EPB41L3: variants seen among roughly 807,000 people sequenced by gnomAD.
EPB41L3 encodes the protein band 4.1-like protein 3.
Under a neutral mutation model 127.1 loss-of-function variants are expected in EPB41L3, and 57 were observed. The ratio of observed to expected loss-of-function variants is 0.45; its 90% confidence interval spans 0.36 to 0.56. EPB41L3 has a LOEUF of 0.56. EPB41L3 is among the 20% of genes least tolerant of loss of function. The probability of loss-of-function intolerance (pLI) is 0.00; values close to 1 mark genes in which losing one functional copy is unlikely to be tolerated. For synonymous variants in EPB41L3, 572 were observed against 549.5 expected (o/e 1.04, Z -0.57); for missense variants, 1,273 against 1,372.2 (o/e 0.93, Z 1.14).
intron 16 of EPB41L3, chr18:5,398,666 G>A (rs2073996964): frequency 2.5e-6 from 1 of 399,962 alleles, no homozygotes; most frequent in Non-Finnish European, 4.4e-6. Context: ...CTCGGGAGGC[G>A]GATGACTCAG....
chr18:5,583,176 T>C (rs2143279202), intron 3 of EPB41L3, among the ~76,000 whole-genome samples: 1 of 152,340 alleles, frequency 6.6e-6, no homozygotes, highest in African/African-American at 2.4e-5. Flanking sequence ...CAGACAACTG[T>C]CATAGAACAC....
intron 1 of EPB41L3, among the ~76,000 whole-genome samples, chr18:5,533,611 A>G (rs377457777): frequency 1.3e-3 from 192 of 152,244 alleles, no homozygotes; most frequent in African/African-American, 4.4e-3. Flanking sequence ...GCAGGATCAC[A>G]TTTACTCATA....
chr18:5,548,619 T>G (rs2093919514), upstream of EPB41L3, among the ~76,000 whole-genome samples: 1 of 152,224 alleles, frequency 6.6e-6, no homozygotes, highest in African/African-American at 2.4e-5. Context: ...TTATTGATTT[T>G]TTTACTTTCT....
At chr18:5,591,619 G>A (rs1599159343) in intron 3 of EPB41L3, among the ~76,000 whole-genome samples, 1 of 152,150 alleles carries the variant, frequency 6.6e-6, no homozygotes, top group East Asian at 1.9e-4. Flanking sequence ...TTTTCTTGGA[G>A]GAAGAAAAGT....
chr18:5,458,580 T>C (rs940399851), intron 3 of EPB41L3, among the ~76,000 whole-genome samples: 7 of 152,156 alleles, frequency 4.6e-5, no homozygotes, highest in African/African-American at 1.7e-4. Flanking sequence ...GTGTCTTGGA[T>C]TCCCTTCTTA....
chr18:5,468,893 G>GC lies in EPB41L3; in HGVS notation c.381+9347dup, dbSNP rs2085510822. Among the ~76,000 whole-genome samples the GC allele has an allele frequency of 2.6e-5, 4 of 152,178 alleles. No homozygotes were observed. In the South Asian group the frequency reaches 8.3e-4, roughly 32 times the overall value. On this transcript the variant is annotated intron_variant, in intron 3 of 22. Transcript: ENST00000341928. ...ATCATGCCATTGCACTTCAGCCTGG[G>GC]CGACAGAGAGACTCCATCTCAAAAA...
At chr18:5,474,126 G>A (rs1281928550) in intron 3 of EPB41L3, among the ~76,000 whole-genome samples, 2 of 152,018 alleles carry the variant, frequency 1.3e-5, no homozygotes, top group Non-Finnish European at 2.9e-5. Flanking sequence ...AGCTACTCAG[G>A]AGGCTGAGGC....
intron 3 of EPB41L3, among the ~76,000 whole-genome samples, chr18:5,460,570 G>A (rs950572523): frequency 6.6e-6 from 1 of 152,184 alleles, no homozygotes; most frequent in Non-Finnish European, 1.5e-5. Flanking sequence ...ATCTCAAACT[G>A]ATGAATCATT....
chr18:5,468,654 C>G (rs1378207082), intron 3 of EPB41L3, among the ~76,000 whole-genome samples: 2 of 152,208 alleles, frequency 1.3e-5, no homozygotes, highest in African/African-American at 4.8e-5. Flanking sequence ...TTGGGATAAC[C>G]TGCCTGTGAA....
intron 12 of EPB41L3, among the ~76,000 whole-genome samples, chr18:5,417,482 G>A (rs1173721591): frequency 6.6e-6 from 1 of 152,186 alleles, no homozygotes. Context: ...AGCAGCTGCT[G>A]CAGGCCGGGA....
chr18:5,437,019 TTTG>T (rs2079945443), intron 6 of EPB41L3, among the ~76,000 whole-genome samples: 1 of 152,208 alleles, frequency 6.6e-6, no homozygotes, highest in South Asian at 2.1e-4. Context: ...ACAAAATTGC[TTTG>T]ACTGGTCATA....
chr18:5,582,859 G>A (rs2094406525), intron 3 of EPB41L3, among the ~76,000 whole-genome samples: 1 of 152,144 alleles, frequency 6.6e-6, no homozygotes. Context: ...GCAAACTTAA[G>A]AAGCTGGAGC....
intron 13 of EPB41L3, among the ~76,000 whole-genome samples, chr18:5,413,414 A>C (rs963012221): frequency 6.6e-6 from 1 of 152,154 alleles, no homozygotes; most frequent in African/African-American, 2.4e-5. Context: ...ACTGGATTTC[A>C]CTCTTAGAAA....
intron 12 of EPB41L3, among the ~76,000 whole-genome samples, chr18:5,419,246 AG>A (rs2077181059): frequency 6.6e-6 from 1 of 152,226 alleles, no homozygotes; most frequent in African/African-American, 2.4e-5. Context: ...TCTGCTGATT[AG>A]GCGTAAGTAT....
intron 16 of EPB41L3, among the ~76,000 whole-genome samples, chr18:5,406,576 A>G (rs2075421759): frequency 1.3e-5 from 2 of 152,158 alleles, no homozygotes; most frequent in African/African-American, 4.8e-5. Context: ...GAACCATCTG[A>G]TGCTATTACT....
chr18:5,401,704 T>C (rs898305412), intron 16 of EPB41L3, among the ~76,000 whole-genome samples: 2 of 152,194 alleles, frequency 1.3e-5, no homozygotes, highest in African/African-American at 4.8e-5. Flanking sequence ...TATCAATTCA[T>C]ACTTTAACAT....
At chr18:5,468,749 C>T (rs952563893) in intron 3 of EPB41L3, among the ~76,000 whole-genome samples, 2 of 152,170 alleles carry the variant, frequency 1.3e-5, no homozygotes, top group Admixed American at 6.5e-5. Context: ...CCCCTCTCTA[C>T]TAAAAATACA....
intron 1 of EPB41L3, among the ~76,000 whole-genome samples, chr18:5,536,499 AT>A (rs1223344836): frequency 3.5e-5 from 5 of 143,364 alleles, no homozygotes; most frequent in African/African-American, 1.3e-4. Flanking sequence ...ATACTGTTAC[AT>A]TTAAAAAAAA....
chr18:5,524,010 T>C (rs2093116120), intron 1 of EPB41L3, among the ~76,000 whole-genome samples: 2 of 152,190 alleles, frequency 1.3e-5, no homozygotes, highest in Admixed American at 6.5e-5. Flanking sequence ...TGTGTATATA[T>C]GTGTGTGTTA....
Sources: gnomAD v4.1 joint callset for allele counts (sites outside exome capture counted in the v4.1 genomes callset) on GRCh38, gnomAD v4.1.1 for gene constraint, MANE v1.5 for transcripts, NCBI Gene and HGNC (gene_info 2026-07-23, HGNC 2026-07-21) for gene names.